The following CDH13 variants were observed in gnomAD, a reference collection of about 807,000 sequenced individuals.
CDH13 encodes cadherin 13, also known as cadherin-13.
CDH13 carries 24 observed loss-of-function variants against 63.8 expected under a neutral mutation model. That is an observed-to-expected ratio of 0.38 (90% CI 0.27 to 0.53). The LOEUF (loss-of-function observed/expected upper bound fraction) is 0.53. CDH13 is among the 20% of genes least tolerant of loss of function. CDH13 has a pLI of 0.85. For synonymous variants in CDH13, 503 were observed against 355.3 expected (o/e 1.42, Z -4.67); for missense variants, 1,049 against 903.1 (o/e 1.16, Z -2.07).
intron 2 of CDH13, among the ~76,000 whole-genome samples, chr16:82,992,455 C>A (rs180895372): frequency 6.6e-6 from 1 of 152,134 alleles, no homozygotes; most frequent in Non-Finnish European, 1.5e-5. Flanking sequence ...TTGGGCTCTA[C>A]GTGCAGAGAG....
intron 5 of CDH13, among the ~76,000 whole-genome samples, chr16:83,309,782 C>T (rs1166432898): frequency 6.6e-6 from 1 of 152,088 alleles, no homozygotes; most frequent in Non-Finnish European, 1.5e-5. Flanking sequence ...GAAAAGAGGA[C>T]TTTTCGCTTG....
chr16:83,446,134 C>T (rs2072681426), intron 6 of CDH13, among the ~76,000 whole-genome samples: 1 of 151,788 alleles, frequency 6.6e-6, no homozygotes, highest in Non-Finnish European at 1.5e-5. Flanking sequence ...GAAACCCCAT[C>T]TCTACAAAAA....
rs1033707256 is a variant in CDH13 at position 83,643,302 on chromosome 16, GA to G, written c.1102-27478del. On this transcript the variant is annotated intron_variant, in intron 8 of 13. Transcript: ENST00000567109. ...GTATAATAAAAAAAAAAAAAAAAAA[GA>G]AAAAAAAAATTTAACAGATCTCTCC... 9.5e-4 allele frequency among the ~76,000 whole-genome samples: 68 copies of G among 71,756 alleles called. 7 individuals are homozygous for G. Among genetic ancestry groups the G allele is most frequent in the East Asian group, 3.6e-3 (5 of 1,384 alleles). The allele number at this position is 71,756 out of a possible 152,430, so 47.1% of individuals were successfully genotyped here.
chr16:82,929,854 C>T (rs955759153), intron 2 of CDH13, among the ~76,000 whole-genome samples: 4 of 151,480 alleles, frequency 2.6e-5, no homozygotes, highest in African/African-American at 4.9e-5. Flanking sequence ...AAGAAACATA[C>T]CTGTAGAAAG....
rs567529743 is a variant in CDH13 at position 82,854,855 on chromosome 16, A to G, written c.46-3507A>G. 2.6e-5 allele frequency among the ~76,000 whole-genome samples: 4 copies of G among 152,116 alleles called. No individual in the cohort carries two copies. The East Asian group carries it at 7.7e-4, about 29-fold the overall frequency. ...TGTTAATGCCTCTTTTCTTTTTGAG[A>G]CCATAATTATATTTAACAATTATTG... On this transcript the variant is annotated intron_variant, in intron 1 of 13. Coordinates refer to ENST00000567109, the MANE Select transcript of CDH13 (RefSeq NM_001257.5).
At chr16:83,426,749 T>C (rs958648297) in intron 6 of CDH13, among the ~76,000 whole-genome samples, 7 of 152,018 alleles carry the variant, frequency 4.6e-5, no homozygotes, top group African/African-American at 1.7e-4. Context: ...CCTTAGTGAT[T>C]ATGAGCCCCT....
intron 2 of CDH13, among the ~76,000 whole-genome samples, chr16:82,966,602 A>G (rs891911618): frequency 2.0e-5 from 3 of 152,156 alleles, no homozygotes; most frequent in Non-Finnish European, 4.4e-5. Context: ...TTTATAATAC[A>G]CAGGGATTTT....
intron 7 of CDH13, among the ~76,000 whole-genome samples, chr16:83,565,383 C>CTTTTTTTTTTTTTT (rs369127310): frequency 7.7e-6 from 1 of 130,612 alleles, no homozygotes; most frequent in Non-Finnish European, 1.6e-5. Context: ...TTCCACTGTT[C>CTTTTTTTTTTTTTT]TTTTTTTTTT....
intron 4 of CDH13, among the ~76,000 whole-genome samples, chr16:83,132,453 C>CT (rs566939460): frequency 0.044 from 4,045 of 92,960 alleles, 165 homozygotes; most frequent in Non-Finnish European, 0.064. Context: ...ACACCCCCCC[C>CT]TTTTTTTTTT....
intron 11 of CDH13, among the ~76,000 whole-genome samples, chr16:83,772,292 G>A (rs1597209666): frequency 6.6e-6 from 1 of 152,158 alleles, no homozygotes; most frequent in Admixed American, 6.5e-5. Context: ...GAAGGCCCAA[G>A]TCTTATGCTG....
chr16:83,010,511 C>G (rs1914042249), intron 2 of CDH13, among the ~76,000 whole-genome samples: 1 of 152,110 alleles, frequency 6.6e-6, no homozygotes, highest in Non-Finnish European at 1.5e-5. Flanking sequence ...CTTTTGAGCA[C>G]TTAATGAAGA....
chr16:83,783,208 G>T, intron 12 of CDH13, 46 bp from the exon 13 acceptor site: 1 of 1,355,898 alleles, frequency 7.4e-7, no homozygotes, highest in Non-Finnish European at 1.0e-6. Flanking sequence ...TCTTTTATTG[G>T]AAAAAGTCTC....
At chr16:83,352,325 C>T (rs775648146) in intron 6 of CDH13, among the ~76,000 whole-genome samples, 78 of 152,286 alleles carry the variant, frequency 5.1e-4, no homozygotes, top group Middle Eastern at 6.8e-3. Flanking sequence ...TTGACTCCAC[C>T]TAGTCGTTCA....
At chr16:83,151,278 A>T (rs138245603) in intron 4 of CDH13, among the ~76,000 whole-genome samples, 1 of 152,302 alleles carries the variant, frequency 6.6e-6, no homozygotes, top group African/African-American at 2.4e-5. Context: ...ACTGCATTAG[A>T]ATTCCCTGGC....
chr16:82,818,774 TA>T (rs1411533377), intron 1 of CDH13, among the ~76,000 whole-genome samples: 3 of 152,208 alleles, frequency 2.0e-5, no homozygotes, highest in Non-Finnish European at 2.9e-5. Flanking sequence ...CAAGTCTCTG[TA>T]AAGGCCTTTC....
intron 8 of CDH13, among the ~76,000 whole-genome samples, chr16:83,651,588 C>CTTTTTTTTTTTTTTTTTTT (rs35237670): frequency 2.7e-5 from 2 of 75,298 alleles, no homozygotes; most frequent in African/African-American, 5.3e-5. Context: ...TTATTTTCCT[C>CTTTTTTTTTTTTTTTTTTT]TTTTTTTTTT....
At chr16:83,630,938 C>A (rs930739279) in intron 8 of CDH13, among the ~76,000 whole-genome samples, 1 of 152,154 alleles carries the variant, frequency 6.6e-6, no homozygotes, top group East Asian at 1.9e-4. Flanking sequence ...GATTTATTTT[C>A]CTTTCACAAT....
Position 83,326,250 on chromosome 16 carries a change from T to C in CDH13, c.637-18612T>C, listed in dbSNP as rs1329765469. Among the ~76,000 whole-genome samples the C allele has an allele frequency of 3.2e-4, 48 of 152,180 alleles. 1 individual carries two copies. The highest frequency in any genetic ancestry group is 3.1e-3 in the Admixed American group (48 of 15,280). The stretch of plus-strand genomic sequence containing the variant: ...TTACTTTATTCTTCCTGGAAATTTC[T>C]TGGTAGCAATGCCTCTGCCAACATG... On this transcript the variant is annotated intron_variant, in intron 5 of 13. Transcript: ENST00000567109.
chr16:83,332,836 T>A (rs998724573), intron 5 of CDH13, among the ~76,000 whole-genome samples: 1 of 152,172 alleles, frequency 6.6e-6, no homozygotes, highest in Non-Finnish European at 1.5e-5. Context: ...GTTAAATGTT[T>A]AAGAATGCCC....
Sources: allele counts gnomAD v4.1 joint callset (sites outside exome capture counted in the v4.1 genomes callset), GRCh38; gene constraint gnomAD v4.1.1; transcripts MANE v1.5; gene names NCBI Gene and HGNC (gene_info 2026-07-23, HGNC 2026-07-21).